Variants in OSBPL5 observed in about 807,000 individuals in gnomAD.
The protein encoded by OSBPL5 is oxysterol-binding protein-related protein 5.
OSBPL5 carries 71 observed loss-of-function variants against 111.2 expected under a neutral mutation model. The ratio of observed to expected loss-of-function variants is 0.64; its 90% CI spans 0.53 to 0.78. OSBPL5 has a LOEUF of 0.78. Among genes scored for constraint, OSBPL5 ranks in the 30% least tolerant of loss-of-function variants. The pLI is 0.00. For missense variants in OSBPL5, 1,210 were observed against 1,189.3 expected (o/e 1.02, Z -0.26); for synonymous variants, 549 against 513.9 (o/e 1.07, Z -0.93).
In OSBPL5 at chr11:3,105,597, AC is replaced by A. The variant is rs972234572; in HGVS notation, c.1060-1221del. On this transcript the variant is annotated intron_variant, in intron 9 of 21. Coordinates refer to ENST00000263650, the MANE Select transcript of OSBPL5 (RefSeq NM_020896.4). This position sits in a 1 kb window ranked among gnomAD's most constrained non-coding sequence, Gnocchi z 5.2. ...GACTGTCTTGCCGTAGGTCCCCACC[AC>A]TCCTCACTGGTCCAGCAGCCATCCC... 2.3e-4 allele frequency among the ~76,000 whole-genome samples: 35 copies of A among 151,180 alleles called. No individual in the cohort carries two copies. The highest frequency in any genetic ancestry group is 8.5e-4 in the African/African-American group (35 of 41,048).
In OSBPL5 at chr11:3,154,659, C is replaced by T. The variant is rs1846697102; in HGVS notation, c.-22+10557G>A. On this transcript the variant is annotated intron_variant, in intron 1 of 21. Transcript: ENST00000263650. This position sits in a 1 kb window ranked among gnomAD's most constrained non-coding sequence, Gnocchi z 4.9. ...CCCACTGACGAGACGCCTGGCAGTG[C>T]GGGGGCCCCAGGGTTAGTCTGACTG... Among the ~76,000 whole-genome samples, 2 of 152,196 alleles carry T rather than the reference C, an allele frequency of 1.3e-5. No homozygotes were observed. Among genetic ancestry groups the T allele is most frequent in the South Asian group, 2.1e-4 (1 of 4,820 alleles).
At chr11:3,114,591 A>T (rs1019074065) in intron 7 of OSBPL5, among the ~76,000 whole-genome samples, 4 of 113,900 alleles carry the variant, frequency 3.5e-5, no homozygotes, top group Non-Finnish European at 5.1e-5. Flanking sequence ...TAGAACAATG[A>T]TTTTTTTTTT....
At chr11:3,122,469 C>T (rs1249127033) in intron 3 of OSBPL5, 41 bp from the exon 4 acceptor site, 1 of 1,594,354 alleles carries the variant, frequency 6.3e-7, no homozygotes, top group Non-Finnish European at 8.6e-7. Context: ...GGCACAGGGG[C>T]CGGCCCAGGG....
At chr11:3,160,142 G>T (rs77146850) in intron 1 of OSBPL5, among the ~76,000 whole-genome samples, 2,354 of 152,138 alleles carry the variant, frequency 0.015, 35 homozygotes, top group African/African-American at 0.021. Context: ...GACTTCCTAA[G>T]GCAGCAGGGG....
chr11:3,132,929 C>T (rs1845851562), intron 1 of OSBPL5, among the ~76,000 whole-genome samples: 1 of 152,162 alleles, frequency 6.6e-6, no homozygotes, highest in Non-Finnish European at 1.5e-5. Context: ...GGCTGCCTGT[C>T]GTGTCGCACG....
At chr11:3,088,612 C>T (rs1045198273) in intron 21 of OSBPL5, among the ~76,000 whole-genome samples, 3 of 152,250 alleles carry the variant, frequency 2.0e-5, no homozygotes, top group African/African-American at 2.4e-5. Flanking sequence ...TTTACATCCT[C>T]CCTCCCACCC....
rs779385596 is a variant in OSBPL5 at position 3,107,432 on chromosome 11, T to C, written c.890A>G (p.Asn297Ser). Residue 297 changes from asparagine to serine, a missense_variant, in exon 9 of 22, where the codon AAC becomes AGC. Physicochemically the swap from Asn to Ser is conservative, Grantham distance 46. Transcript: ENST00000263650. This position sits in a 1 kb window ranked among gnomAD's most constrained non-coding sequence, Gnocchi z 6.1. ...LFPLNGSSLE[N>S]DAFSDKSERE... ...CTCCGACTTGTCTGAGAATGCATCG[T>C]TCTCCAGGGAAGACCCGTTCAGTCT... 4.3e-6 allele frequency: 7 copies of C among 1,614,054 alleles called. No individual in the cohort carries two copies. Among genetic ancestry groups the C allele is most frequent in the South Asian group, 1.1e-5 (1 of 91,086 alleles).
At position 3,141,435 on chromosome 11, in the gene OSBPL5, G is replaced by A. The variant is rs1232081771; in HGVS notation, c.-21-12266C>T. The stretch of plus-strand genomic sequence containing the variant: ...CCTCCTTGGTTCCCCTCAGAACAGA[G>A]CTTCCAGAAGGGCCCCCAATCTGTC... On this transcript the variant is annotated intron_variant, in intron 1 of 21. Transcript: ENST00000263650. The surrounding 1 kb of genome is among the most constrained non-coding windows in gnomAD (Gnocchi z 6.5). Among the ~76,000 whole-genome samples the A allele has an allele frequency of 6.6e-6, 1 of 152,134 alleles. No homozygotes were observed. The highest frequency in any genetic ancestry group is 1.5e-5 in the Non-Finnish European group (1 of 68,016).
rs1238839390 is a variant in OSBPL5 at position 3,121,608 on chromosome 11, C to A, written c.402+389G>T. 2.0e-5 allele frequency among the ~76,000 whole-genome samples: 3 copies of A among 152,274 alleles called. No individual in the cohort carries two copies. In the East Asian group the frequency reaches 5.8e-4, roughly 29 times the overall value. ...TCAGAGGCGAGTGAATGGCCACGGT[C>A]TCCGTGAGGTCTGAACACAGGACAC... On this transcript the variant is annotated intron_variant, in intron 5 of 21. Coordinates refer to ENST00000263650, the MANE Select transcript of OSBPL5 (RefSeq NM_020896.4). This position sits in a 1 kb window ranked among gnomAD's most constrained non-coding sequence, Gnocchi z 4.3.
chr11:3,152,824 GC>G (rs1846632210), intron 1 of OSBPL5, among the ~76,000 whole-genome samples: 1 of 152,164 alleles, frequency 6.6e-6, no homozygotes, highest in East Asian at 1.9e-4. Context: ...AAAGTAAAGA[GC>G]CCTCTAAACA....
chr11:3,096,083 G>A (rs1437362655), intron 14 of OSBPL5, among the ~76,000 whole-genome samples: 2 of 152,186 alleles, frequency 1.3e-5, no homozygotes, highest in African/African-American at 2.4e-5. Flanking sequence ...GAGGAAATGA[G>A]TAATACTCTG....
chr11:3,118,254 C>G (rs116833090), intron 7 of OSBPL5, among the ~76,000 whole-genome samples: 1,567 of 152,344 alleles, frequency 0.01, 19 homozygotes, highest in African/African-American at 0.036. Context: ...CCTGCCCCCC[C>G]ATTCTATTCC....
chr11:3,133,060 A>C (rs1484567324), intron 1 of OSBPL5, among the ~76,000 whole-genome samples: 1 of 152,112 alleles, frequency 6.6e-6, no homozygotes, highest in Non-Finnish European at 1.5e-5. Context: ...GTCCTCAGAG[A>C]GGTGAGCAGG....
intron 1 of OSBPL5, among the ~76,000 whole-genome samples, chr11:3,136,807 C>A (rs1411329272): frequency 1.3e-5 from 2 of 152,242 alleles, no homozygotes; most frequent in Admixed American, 1.3e-4. Context: ...AGAGAGGAGG[C>A]TCTGGCCACT....
In OSBPL5 at chr11:3,121,519, C is replaced by T. The variant is rs544052253; in HGVS notation, c.402+478G>A. 2.6e-5 allele frequency among the ~76,000 whole-genome samples: 4 copies of T among 152,222 alleles called. No individual in the cohort carries two copies. The highest frequency in any genetic ancestry group is 3.4e-3 in the Middle Eastern group (1 of 294). On this transcript the variant is annotated intron_variant, in intron 5 of 21. Transcript: ENST00000263650. This position sits in a 1 kb window ranked among gnomAD's most constrained non-coding sequence, Gnocchi z 4.3. ...GGGCTGGGCACACTTATCTGGTATGCGTTGCCCAGCAGCCTCGGAGTTGGG... is the reference window on the plus strand; with the variant it reads ...GGGCTGGGCACACTTATCTGGTATGTGTTGCCCAGCAGCCTCGGAGTTGGG...
intron 1 of OSBPL5, among the ~76,000 whole-genome samples, chr11:3,160,736 C>T (rs1846941806): frequency 6.6e-6 from 1 of 151,392 alleles, no homozygotes; most frequent in African/African-American, 2.4e-5. Context: ...TCAATCCCTC[C>T]GCAACGCCGG....
intron 14 of OSBPL5, among the ~76,000 whole-genome samples, chr11:3,096,983 T>C (rs371598936): frequency 0.039 from 305 of 7,832 alleles, no homozygotes; most frequent in Middle Eastern, 0.22. Context: ...AGGGGGAAGG[T>C]GGGAGGAGGA....
chr11:3,122,170 C>T (rs1277750294), intron 4 of OSBPL5, 72 bp from the exon 5 acceptor site: 63 of 1,468,342 alleles, frequency 4.3e-5, no homozygotes, highest in East Asian at 2.2e-4. Flanking sequence ...CACCGTCCAG[C>T]CCAGGGATGG....
chr11:3,103,833 A>AGCCTCTGCAGTCCCTTCCT (rs1857583652), intron 10 of OSBPL5, among the ~76,000 whole-genome samples: 10 of 79,268 alleles, frequency 1.3e-4, no homozygotes, highest in African/African-American at 3.8e-4. Context: ...GCCCCCTTCC[A>AGCCTCTGCAGTCCCTTCCT]GCCTCTGCAG....
Sources: allele counts gnomAD v4.1 joint callset (sites outside exome capture counted in the v4.1 genomes callset), GRCh38; gene constraint gnomAD v4.1.1; non-coding constraint Gnocchi (gnomAD v3.1); transcripts MANE v1.5; gene names NCBI Gene and HGNC (gene_info 2026-07-23, HGNC 2026-07-21).